Variants in LRRC41 observed in about 807,000 individuals in gnomAD.
The protein encoded by LRRC41 is leucine-rich repeat-containing protein 41.
LRRC41 carries 17 observed loss-of-function variants against 72.1 expected under a neutral mutation model. The ratio of observed to expected loss-of-function variants is 0.24; its 90% CI spans 0.16 to 0.35. The LOEUF is 0.35. Among genes scored for constraint, LRRC41 ranks in the 10% least tolerant of loss-of-function variants. The pLI is 1.00. For synonymous variants in LRRC41, 427 were observed against 431.0 expected (o/e 0.99, Z 0.11); for missense variants, 759 against 1,065.0 (o/e 0.71, Z 4.00).
At chr1:46,289,761 CAAAAAA>C (rs200145760) in intron 3 of LRRC41, among the ~76,000 whole-genome samples, 1 of 144,442 alleles carries the variant, frequency 6.9e-6, no homozygotes, top group African/African-American at 2.5e-5. Context: ...ACTCCGTCTC[CAAAAAA>C]AAAAGGAGTC....
rs888235109 is a variant in LRRC41 at position 46,277,908 on chromosome 1, G to A, written c.*957C>T. ...GTGGATGAGGAGCAGGATGTAGAGC[G>A]CCACTTCTCTCTGGGCGAGTTGAAG... On this transcript the variant is annotated 3_prime_UTR_variant, in exon 10 of 10. Coordinates refer to ENST00000617190, the MANE Select transcript of LRRC41 (RefSeq NM_006369.5). The A allele has an allele frequency of 5.6e-6, 9 of 1,613,978 alleles. No individual in the cohort carries two copies. The African/African-American group carries it at 6.7e-5, about 12-fold the overall frequency.
rs1424939427 is a variant in LRRC41, at chr1:46,277,838, ATCT to A, written c.*1024_*1026del. The A allele has an allele frequency of 1.2e-6, 2 of 1,611,638 alleles. No homozygotes were observed. Among genetic ancestry groups the A allele is most frequent in the Non-Finnish European group, 1.7e-6 (2 of 1,178,056 alleles). On this transcript the variant is annotated 3_prime_UTR_variant, in exon 10 of 10. Transcript: ENST00000617190. The stretch of plus-strand genomic sequence containing the variant: ...CCAGGCAGGGACCATTGAGGAGAAG[ATCT>A]TCCAGCGTCAGAGCCACAAGAAGGC...
chr1:46,289,418 T>C (rs1660955150), intron 3 of LRRC41, among the ~76,000 whole-genome samples: 1 of 152,026 alleles, frequency 6.6e-6, no homozygotes, highest in African/African-American at 2.4e-5. Flanking sequence ...TCTCACAAAT[T>C]AACGTACGAG....
chr1:46,277,512 G>C lies in LRRC41; in HGVS notation c.*1353C>G. On this transcript the variant is annotated 3_prime_UTR_variant, in exon 10 of 10. Transcript: ENST00000617190. ...ATTGAATGAGTTAGAGTTGGGCTTG[G>C]TGCAGAAATCTGAAGCTGCAGCAGA... is the stretch of plus-strand genomic sequence containing the variant. 1 of 461,282 alleles carries C rather than the reference G, an allele frequency of 2.2e-6. No homozygotes were observed. The highest frequency in any genetic ancestry group is 4.3e-5 in the East Asian group (1 of 23,266). 28.6% of individuals were successfully genotyped at this position (461,282 alleles called of 1,614,324 possible).
rs766401063 is a variant in LRRC41, at chr1:46,285,744, T to C, written c.1113A>G (p.Thr371=). 1 of 1,603,698 alleles carries C rather than the reference T, an allele frequency of 6.2e-7. No homozygotes were observed. Among genetic ancestry groups the C allele is most frequent in the East Asian group, 2.2e-5 (1 of 44,728 alleles). The change falls in exon 4 of 10, where the codon ACA becomes ACG. Residue 371 remains threonine, a synonymous_variant. Transcript: ENST00000617190. This position sits in a 1 kb window ranked among gnomAD's most constrained non-coding sequence, Gnocchi z 5.3. ...TAGCTGGTGCCCGTTTGTATGAGGA[T>C]GTAGAAGAAGAGGCAGAGGAGGTGG... ...PAATSSASSS[T]SSYKRAPASS... is the part of the protein sequence containing the mutation.
chr1:46,302,367 G>A lies in LRRC41; in HGVS notation c.199+757C>T, dbSNP rs1280758709. On this transcript the variant is annotated intron_variant, in intron 1 of 9. Coordinates refer to ENST00000617190, the MANE Select transcript of LRRC41 (RefSeq NM_006369.5). This position sits in a 1 kb window ranked among gnomAD's most constrained non-coding sequence, Gnocchi z 4.7. Reference sequence around the variant, plus strand: ...CCGGGCCCCCCTCCACTCGCTCTCCGGTCCCTCCTCGCCGCTCGAGCCGAT... The same window carrying A: ...CCGGGCCCCCCTCCACTCGCTCTCCAGTCCCTCCTCGCCGCTCGAGCCGAT... 1 of 985,158 alleles carries A rather than the reference G, an allele frequency of 1.0e-6. No individual in the cohort carries two copies. Among genetic ancestry groups the A allele is most frequent in the Non-Finnish European group, 1.2e-6 (1 of 829,896 alleles). The allele number at this position is 985,158 out of a possible 1,614,324, so 61.0% of individuals were successfully genotyped here.
In LRRC41 at chr1:46,286,491, T is replaced by C. The variant is rs1332967322; in HGVS notation, c.366A>G (p.Thr122=). The C allele has an allele frequency of 1.9e-6, 3 of 1,595,400 alleles. No homozygotes were observed. The highest frequency in any genetic ancestry group is 1.8e-5 in the Admixed American group (1 of 57,048). ...KTRPSSLESV[T]CWRAKFMEAF... ...CCTCCATAAACTTGGCTCGCCAACATGTCACACTCTGAAACGCAGAAAACA... is the reference window on the plus strand; with the variant it reads ...CCTCCATAAACTTGGCTCGCCAACACGTCACACTCTGAAACGCAGAAAACA... The change falls in exon 4 of 10, where the codon ACA becomes ACG. Residue 122 remains threonine (T), a synonymous_variant. Coordinates refer to ENST00000617190, the MANE Select transcript of LRRC41 (RefSeq NM_006369.5). The surrounding 1 kb of genome is among the most constrained non-coding windows in gnomAD (Gnocchi z 5.5).
chr1:46,292,568 A>C (rs1327713151), intron 3 of LRRC41, among the ~76,000 whole-genome samples: 2 of 152,232 alleles, frequency 1.3e-5, no homozygotes, highest in Non-Finnish European at 2.9e-5. Context: ...CTAAACTAAG[A>C]GGTGAAATAG....
Position 46,302,105 on chromosome 1 carries a change from C to T in LRRC41, c.199+1019G>A, listed in dbSNP as rs76197767. Reference sequence around the variant, plus strand: ...CAACTGGCCGGTTCGCCCTCCCCGGCCGTTCATCCCGGCGCCCCAGGCCGC... The same window carrying T: ...CAACTGGCCGGTTCGCCCTCCCCGGTCGTTCATCCCGGCGCCCCAGGCCGC... On this transcript the variant is annotated intron_variant, in intron 1 of 9. Coordinates refer to ENST00000617190, the MANE Select transcript of LRRC41 (RefSeq NM_006369.5). This position sits in a 1 kb window ranked among gnomAD's most constrained non-coding sequence, Gnocchi z 4.7. The T allele has an allele frequency of 4.2e-3, 4,115 of 985,354 alleles. 31 individuals are homozygous for T. The highest frequency in any genetic ancestry group is 0.028 in the South Asian group (591 of 21,286). The allele number at this position is 985,354 out of a possible 1,614,324, so 61.0% of individuals were successfully genotyped here.
Position 46,281,341 on chromosome 1 carries a change from G to A in LRRC41, c.1540C>T (p.Leu514=), listed in dbSNP as rs1038949824. The change falls in exon 5 of 10, where the codon CTG becomes TTG. Residue 514 remains leucine (L), a synonymous_variant. Transcript: ENST00000617190. ...AGGCGACATCCAGCCTGGCCTGACA[G>A]GGCCCGCAGGCTGTCTAGCAGGCGG... ...IFRLLDSLRA[L]SGQAGCRLRA... 4 of 1,614,208 alleles carry A rather than the reference G, an allele frequency of 2.5e-6. No individual in the cohort carries two copies. Among genetic ancestry groups the A allele is most frequent in the Admixed American group, 1.7e-5 (1 of 60,032 alleles).
In LRRC41 at chr1:46,279,280, T is replaced by TATCA. The variant is rs779497755; in HGVS notation, c.2144-27_2144-24dup. On this transcript the variant is annotated intron_variant, in intron 8 of 9. Transcript: ENST00000617190. This position sits in a 1 kb window ranked among gnomAD's most constrained non-coding sequence, Gnocchi z 4.5. ...TCCCTGGAGAGAAGGGGAGAACGCC[T>TATCA]ATCACCTCCACCCAAGAACAGGGGA... The TATCA allele has an allele frequency of 9.9e-6, 16 of 1,612,306 alleles. No homozygotes were observed. Among genetic ancestry groups the TATCA allele is most frequent in the Non-Finnish European group, 1.4e-5 (16 of 1,178,522 alleles).
In LRRC41 at chr1:46,286,127, T is replaced by G. The variant is rs1418038987; in HGVS notation, c.730A>C (p.Ile244Leu). Residue 244 changes from isoleucine to leucine, a missense_variant, in exon 4 of 10, where the codon ATC becomes CTC. Ile to Leu is a conservative substitution (Grantham distance 5). Around this residue, in one of 4 missense-constraint regions of LRRC41, gnomAD observed 427 missense variants for 520.9 expected, o/e 0.82. Coordinates refer to ENST00000617190, the MANE Select transcript of LRRC41 (RefSeq NM_006369.5). This position sits in a 1 kb window ranked among gnomAD's most constrained non-coding sequence, Gnocchi z 5.5. ...SWPVPESALF[I>L]LILTMSAGFW... Reference sequence around the variant, plus strand: ...CCAGCACTCATGGTGAGAATAAGGATGAAAAGGGCTGACTCAGGCACAGGC... The same window carrying G: ...CCAGCACTCATGGTGAGAATAAGGAGGAAAAGGGCTGACTCAGGCACAGGC... The G allele has an allele frequency of 6.2e-7, 1 of 1,614,062 alleles. No homozygotes were observed. The highest frequency in any genetic ancestry group is 8.5e-7 in the Non-Finnish European group (1 of 1,179,992).
At chr1:46,293,963 A>G (rs1242862767) in intron 3 of LRRC41, among the ~76,000 whole-genome samples, 1 of 151,450 alleles carries the variant, frequency 6.6e-6, no homozygotes. Flanking sequence ...GGGTTTCACC[A>G]TATGCACCAG....
rs771094753 is a variant in LRRC41 at position 46,287,546 on chromosome 1, C to T, written c.358-1047G>A. Among the ~76,000 whole-genome samples the T allele has an allele frequency of 4.6e-5, 7 of 152,212 alleles. No homozygotes were observed. In the East Asian group the frequency reaches 1.3e-3, roughly 29 times the overall value. ...TACTGCTTTAAAACCCTAATGTCTC[C>T]CTACTGCCCTTCCACCCTCTGCCTG... On this transcript the variant is annotated intron_variant, in intron 3 of 9. Transcript: ENST00000617190.
Position 46,278,326 on chromosome 1 carries a change from G to A in LRRC41, c.*539C>T, listed in dbSNP as rs761531938. The A allele has an allele frequency of 5.5e-5, 86 of 1,551,826 alleles. No individual in the cohort carries two copies. Among genetic ancestry groups the A allele is most frequent in the Non-Finnish European group, 7.4e-5 (84 of 1,140,236 alleles). On this transcript the variant is annotated 3_prime_UTR_variant, in exon 10 of 10. Coordinates refer to ENST00000617190, the MANE Select transcript of LRRC41 (RefSeq NM_006369.5). ...GTAGCTCTTAGAGGAAGGAGATAGG[G>A]AAAAGGGGCTCCTTGCTCCACAGGG...
intron 4 of LRRC41, among the ~76,000 whole-genome samples, chr1:46,282,044 A>G (rs1230611511): frequency 2.6e-5 from 4 of 151,312 alleles, no homozygotes; most frequent in African/African-American, 9.8e-5. Flanking sequence ...ACGCCACTGC[A>G]CTCCGGCTTA....
Position 46,285,241 on chromosome 1 carries a change from C to A in LRRC41, c.1495+121G>T. The A allele has an allele frequency of 2.2e-6, 2 of 910,992 alleles. No individual in the cohort carries two copies. Among genetic ancestry groups the A allele is most frequent in the South Asian group, 1.5e-5 (1 of 65,724 alleles). 56.4% of individuals were successfully genotyped at this position (910,992 alleles called of 1,614,324 possible). On this transcript the variant is annotated intron_variant, in intron 4 of 9. Transcript: ENST00000617190. The surrounding 1 kb of genome is among the most constrained non-coding windows in gnomAD (Gnocchi z 5.3). ...TCTCCCCTGCTATGAGGCATACAAGCCTTCCTCTCTAACCTCCTGATCATA... is the reference window on the plus strand; with the variant it reads ...TCTCCCCTGCTATGAGGCATACAAGACTTCCTCTCTAACCTCCTGATCATA...
At chr1:46,282,553 G>GT (rs1660801104) in intron 4 of LRRC41, among the ~76,000 whole-genome samples, 1 of 152,186 alleles carries the variant, frequency 6.6e-6, no homozygotes. Context: ...CAAAGGATGA[G>GT]TACCTAGTCC....
chr1:46,303,201 T>C lies in LRRC41; in HGVS notation c.122A>G (p.Asn41Ser), dbSNP rs1305785654. The change falls in exon 1 of 10, where the codon AAC becomes AGC. Residue 41 changes from asparagine (N) to serine (S), a missense_variant. Asn to Ser is a conservative substitution (Grantham distance 46). Around this residue, in one of 4 missense-constraint regions of LRRC41, gnomAD observed 106 missense variants for 66.1 expected, o/e 1.60. Transcript: ENST00000617190. ...APAKSSASGP[N>S]APPALFELCG... Reference sequence around the variant, plus strand: ...CAGCTCGAACAGGGCGGGGGGAGCGTTGGGGCCCGAGGCCGAGCTCTTCGC... The same window carrying C: ...CAGCTCGAACAGGGCGGGGGGAGCGCTGGGGCCCGAGGCCGAGCTCTTCGC... The C allele has an allele frequency of 2.5e-6, 4 of 1,571,812 alleles. No individual in the cohort carries two copies. Among genetic ancestry groups the C allele is most frequent in the African/African-American group, 2.7e-5 (2 of 73,354 alleles).
Sources: allele counts gnomAD v4.1 joint callset (sites outside exome capture counted in the v4.1 genomes callset), GRCh38; gene constraint gnomAD v4.1.1; regional missense constraint gnomAD v4.1.1; non-coding constraint Gnocchi (gnomAD v3.1); transcripts MANE v1.5; gene names NCBI Gene and HGNC (gene_info 2026-07-23, HGNC 2026-07-21).